Variants in RTTN observed in about 807,000 individuals in gnomAD.
RTTN encodes rotatin.
RTTN carries 182 observed loss-of-function variants against 269.2 expected under a neutral mutation model. That is an observed-to-expected ratio of 0.68 (90% CI 0.60 to 0.76). The LOEUF (loss-of-function observed/expected upper bound fraction) is 0.76. Among genes scored for constraint, RTTN ranks in the 30% least tolerant of loss-of-function variants. The pLI is 0.00. For missense variants in RTTN, 2,545 were observed against 2,608.6 expected (o/e 0.98, Z 0.53); for synonymous variants, 1,006 against 963.5 (o/e 1.04, Z -0.82).
chr18:70,192,669 CAAAAAAA>C (rs11313917), intron 8 of RTTN, among the ~76,000 whole-genome samples: 1 of 89,884 alleles, frequency 1.1e-5, no homozygotes, highest in Non-Finnish European at 2.2e-5. Flanking sequence ...GACCTTGTCT[CAAAAAAA>C]AAAAAAAAAA....
intron 25 of RTTN, among the ~76,000 whole-genome samples, chr18:70,122,280 G>C (rs1047395675): frequency 3.9e-5 from 6 of 151,916 alleles, no homozygotes; most frequent in African/African-American, 1.4e-4. Flanking sequence ...TGGTTTAAGA[G>C]AGCTAAAAGA....
intron 14 of RTTN, among the ~76,000 whole-genome samples, chr18:70,162,137 A>G (rs2060847772): frequency 6.6e-6 from 1 of 152,236 alleles, no homozygotes; most frequent in African/African-American, 2.4e-5. Context: ...GATTGGATAA[A>G]GAAACTATGG....
rs150097969 is a variant in RTTN, at chr18:70,013,413, CTGTG to C, written c.6421+3990_6421+3993del. ...TACATATGTGTGTGTGTGTGTGTGT[CTGTG>C]TGTGTGTGTGTGTGTGTGAATTAAT... On this transcript the variant is annotated intron_variant, in intron 46 of 48. Coordinates refer to ENST00000640769, the MANE Select transcript of RTTN (RefSeq NM_173630.4). 1.3e-3 allele frequency among the ~76,000 whole-genome samples: 195 copies of C among 145,634 alleles called. 1 individual carries two copies. Among genetic ancestry groups the C allele is most frequent in the African/African-American group, 3.9e-3 (155 of 39,950 alleles).
At position 70,048,109 on chromosome 18, in the gene RTTN, GAGAAC is replaced by G. The variant is rs1333091647; in HGVS notation, c.5398_5402del (p.Val1800LeufsTer12). ...GATGCCCTTTTGCTTCTTCGGTCAA[GAGAAC>G]AGAAAGGAATTGCAAGCTGGCAGTA... On this transcript the variant is annotated frameshift_variant, in exon 40 of 49. Transcript: ENST00000640769. LOFTEE classifies it high-confidence loss of function. The G allele has an allele frequency of 4.3e-6, 7 of 1,614,114 alleles. No individual in the cohort carries two copies. Among genetic ancestry groups the G allele is most frequent in the Non-Finnish European group, 5.9e-6 (7 of 1,180,000 alleles).
chr18:70,150,139 G>A (rs1375737698), intron 15 of RTTN, 52 bp from the exon 16 acceptor site: 1 of 1,079,130 alleles, frequency 9.3e-7, no homozygotes. Context: ...GTCCCGCTAG[G>A]TCACCTGACA....
chr18:70,176,587 C>T, intron 11 of RTTN, 88 bp downstream of exon 11: 1 of 1,257,810 alleles, frequency 8.0e-7, no homozygotes, highest in Non-Finnish European at 1.1e-6. Context: ...AATACCTTCA[C>T]ACCATGAAAA....
intron 17 of RTTN, among the ~76,000 whole-genome samples, 188 bp downstream of exon 17, chr18:70,148,713 G>A (rs1192456776): frequency 6.6e-6 from 1 of 152,148 alleles, no homozygotes; most frequent in East Asian, 1.9e-4. Context: ...GCTGTAAAGT[G>A]GATGAAACGT....
At chr18:70,184,709 TTTTTTTTTGTG>T (rs1431101742) in intron 10 of RTTN, among the ~76,000 whole-genome samples, 1 of 59,274 alleles carries the variant, frequency 1.7e-5, no homozygotes, top group African/African-American at 7.8e-5. Flanking sequence ...GCAGGTTTTT[TTTTTTTTTGTG>T]TGTGTGTGTG....
chr18:70,190,980 G>A (rs2061657022), intron 8 of RTTN, among the ~76,000 whole-genome samples: 1 of 152,126 alleles, frequency 6.6e-6, no homozygotes. Flanking sequence ...CTGAGGTCAG[G>A]AGTTCAAGAC....
rs142715052 is a variant in RTTN, at chr18:70,133,029, AATAAACT to A, written c.2954+1437_2954+1443del. Among the ~76,000 whole-genome samples, 616 of 152,264 alleles carry A rather than the reference AATAAACT, an allele frequency of 4.0e-3. 4 individuals are homozygous for A. The highest frequency in any genetic ancestry group is 0.014 in the African/African-American group (578 of 41,578). The stretch of plus-strand genomic sequence containing the variant: ...CCACATCTGGACTGAGACATCTAGG[AATAAACT>A]ATAAATGCATGATGGGATGTCACAG... On this transcript the variant is annotated intron_variant, in intron 23 of 48. Coordinates refer to ENST00000640769, the MANE Select transcript of RTTN (RefSeq NM_173630.4).
intron 26 of RTTN, among the ~76,000 whole-genome samples, chr18:70,118,039 C>G (rs1012247340): frequency 1.3e-5 from 2 of 151,596 alleles, no homozygotes; most frequent in East Asian, 3.9e-4. Context: ...AGAAAGATAT[C>G]AAGTAAACAA....
intron 36 of RTTN, among the ~76,000 whole-genome samples, chr18:70,059,620 T>C (rs1411670945): frequency 4.6e-5 from 7 of 152,150 alleles, no homozygotes; most frequent in Non-Finnish European, 8.8e-5. Context: ...AGCAGGAGTT[T>C]TTCTTTGGCC....
chr18:70,006,513 T>G, intron 46 of RTTN, 29 bp from the exon 47 acceptor site: 1 of 1,541,118 alleles, frequency 6.5e-7, no homozygotes, highest in Non-Finnish European at 9.0e-7. Flanking sequence ...TTTTTAAAAG[T>G]TCAGTCCCAG....
chr18:70,015,221 C>T (rs1253451489), intron 46 of RTTN, among the ~76,000 whole-genome samples: 2 of 152,028 alleles, frequency 1.3e-5, no homozygotes, highest in African/African-American at 4.8e-5. Flanking sequence ...CGCCACCATG[C>T]CTGGCTAATT....
intron 3 of RTTN, 107 bp from the exon 4 acceptor site, chr18:70,202,090 A>T: frequency 1.6e-6 from 1 of 612,450 alleles, no homozygotes; most frequent in Non-Finnish European, 2.6e-6. Flanking sequence ...GAATCATTTT[A>T]AAAATTAAAA....
chr18:70,178,382 T>C (rs756083031), intron 10 of RTTN, among the ~76,000 whole-genome samples: 2 of 152,110 alleles, frequency 1.3e-5, no homozygotes, highest in African/African-American at 4.8e-5. Context: ...ATTCCACTTA[T>C]ATGAGGTACC....
chr18:70,150,722 A>T lies in RTTN; in HGVS notation c.1941T>A (p.Gly647=), dbSNP rs768622450. The part of the protein sequence containing the change: ...CCLEITKECL[G]VHNVTKPVSS... ...ACACGGGTTTAGTGACATTATGGAC[A>T]CCTAAACATTCCTGTAAAATAATAT... Residue 647 remains glycine (G), a synonymous_variant, in exon 15 of 49, where the codon GGT becomes GGA. Coordinates refer to ENST00000640769, the MANE Select transcript of RTTN (RefSeq NM_173630.4). 8 of 1,589,396 alleles carry T rather than the reference A, an allele frequency of 5.0e-6. No individual in the cohort carries two copies. In the East Asian group the frequency reaches 1.8e-4, roughly 36 times the overall value.
intron 17 of RTTN, 138 bp downstream of exon 17, chr18:70,148,763 C>A: frequency 2.1e-6 from 2 of 953,842 alleles, no homozygotes; most frequent in Non-Finnish European, 1.6e-6. Context: ...CTTAGTTTCA[C>A]GCATTGGTTT....
chr18:70,031,324 A>G (rs554299497), intron 40 of RTTN: 2 of 402,058 alleles, frequency 5.0e-6, no homozygotes, highest in Non-Finnish European at 8.8e-6. Context: ...GGTCCTTGTA[A>G]AACTGCTGAA....
Sources: allele counts gnomAD v4.1 joint callset (sites outside exome capture counted in the v4.1 genomes callset), GRCh38; gene constraint gnomAD v4.1.1; transcripts MANE v1.5; gene names NCBI Gene and HGNC (gene_info 2026-07-23, HGNC 2026-07-21).